KAZN: variants seen among roughly 807,000 people sequenced by gnomAD.
KAZN encodes the protein kazrin, periplakin interacting protein.
In KAZN, 40 loss-of-function variants were observed where a neutral mutation model predicts 87.4. The ratio of observed to expected loss-of-function variants is 0.46; its 90% CI spans 0.36 to 0.60. KAZN has a LOEUF of 0.60. Ranked by LOEUF, KAZN falls within the 20% of genes least tolerant of loss-of-function variation. KAZN has a pLI of 0.00. For missense variants in KAZN, 898 were observed against 1,073.9 expected, an observed-to-expected ratio of 0.84 and a Z score of 2.29; for synonymous variants, 466 against 458.3, an observed-to-expected ratio of 1.02 and a Z score of -0.22.
chr1:14,157,923 A>G (rs1645631021), intron 1 of KAZN, among the ~76,000 whole-genome samples: 1 of 152,076 alleles, frequency 6.6e-6, no homozygotes, highest in Non-Finnish European at 1.5e-5. Context: ...TAAAACCATC[A>G]GATCTCATGA....
intron 2 of KAZN, among the ~76,000 whole-genome samples, chr1:15,031,682 C>T (rs570448866): frequency 6.6e-5 from 10 of 152,124 alleles, no homozygotes; most frequent in Non-Finnish European, 1.3e-4. Context: ...TGACTCACTG[C>T]AGCCTCAACC....
intron 2 of KAZN, among the ~76,000 whole-genome samples, chr1:14,469,219 TA>T (rs147975161): frequency 0.034 from 5,124 of 151,664 alleles, 228 homozygotes; most frequent in East Asian, 0.18. Flanking sequence ...GTCACGCAGG[TA>T]AAAAAAAATC....
At chr1:13,933,716 A>T (rs1235469365) in intron 1 of KAZN, among the ~76,000 whole-genome samples, 1 of 152,252 alleles carries the variant, frequency 6.6e-6, no homozygotes, top group Non-Finnish European at 1.5e-5. Context: ...CAAATCATTC[A>T]TCGAGTACTT....
At chr1:13,947,314 A>G (rs12039151) in intron 1 of KAZN, among the ~76,000 whole-genome samples, 2,490 of 152,248 alleles carry the variant, frequency 0.016, 63 homozygotes, top group African/African-American at 0.055. Flanking sequence ...CAGCTTGCCT[A>G]GGGTCACTCG....
chr1:14,877,933 C>T (rs1160425865), intron 1 of KAZN, among the ~76,000 whole-genome samples: 4 of 152,066 alleles, frequency 2.6e-5, no homozygotes, highest in Non-Finnish European at 4.4e-5. Context: ...ATGGACCCTA[C>T]GGCACATTGG....
At chr1:14,111,141 G>T (rs1321821769) in intron 1 of KAZN, among the ~76,000 whole-genome samples, 1 of 134,342 alleles carries the variant, frequency 7.4e-6, no homozygotes, top group African/African-American at 2.9e-5. Flanking sequence ...TCTATGCTAT[G>T]CCAGACATTA....
intron 1 of KAZN, among the ~76,000 whole-genome samples, chr1:14,911,114 C>A (rs1657197218): frequency 6.6e-6 from 1 of 152,184 alleles, no homozygotes. Flanking sequence ...ATGTTGGCCA[C>A]TTCAAGTCCC....
chr1:14,201,547 G>T (rs963544256), intron 2 of KAZN, among the ~76,000 whole-genome samples: 8 of 152,142 alleles, frequency 5.3e-5, no homozygotes, highest in African/African-American at 1.9e-4. Flanking sequence ...CTCCTGAAAG[G>T]GACCTTTGTG....
At chr1:14,120,327 C>T (rs552999574) in intron 1 of KAZN, among the ~76,000 whole-genome samples, 39 of 152,208 alleles carry the variant, frequency 2.6e-4, no homozygotes, top group African/African-American at 9.2e-4. Context: ...CGTGAGAACT[C>T]ATTCACTATC....
chr1:14,280,054 A>G (rs1347041664), intron 2 of KAZN, among the ~76,000 whole-genome samples: 1 of 152,116 alleles, frequency 6.6e-6, no homozygotes, highest in Non-Finnish European at 1.5e-5. Context: ...GGTCATCGGC[A>G]TATGGACTTA....
rs148459798 is a variant in KAZN, at chr1:15,092,451, ATTTGTTTTGTTTTGT to A, written c.1223-1712_1223-1698del. ...TGTTTGGGTGTGTGTGTGTGTTTTTATTTGTTTTGTTTTGTTTTGTTTTGTTTTGTTCTGTTTTGA... is the reference window on the plus strand; with the variant it reads ...TGTTTGGGTGTGTGTGTGTGTTTTTATTTGTTTTGTTTTGTTCTGTTTTGA... On this transcript the variant is annotated intron_variant, in intron 8 of 14. Transcript: ENST00000376030. Among the ~76,000 whole-genome samples, 4 of 149,954 alleles carry A rather than the reference ATTTGTTTTGTTTTGT, an allele frequency of 2.7e-5. No homozygotes were observed. The South Asian group carries it at 6.4e-4, about 24-fold the overall frequency.
At chr1:14,664,539 C>A (rs929233953) in intron 1 of KAZN, among the ~76,000 whole-genome samples, 1 of 152,164 alleles carries the variant, frequency 6.6e-6, no homozygotes, top group African/African-American at 2.4e-5. Flanking sequence ...CCTGATTATG[C>A]ATCAGAATCT....
chr1:14,910,192 C>A (rs1167243524), intron 1 of KAZN, among the ~76,000 whole-genome samples: 1 of 152,184 alleles, frequency 6.6e-6, no homozygotes. Flanking sequence ...GCTCTTCTCC[C>A]TCCTAACATT....
intron 2 of KAZN, among the ~76,000 whole-genome samples, chr1:14,432,461 C>T (rs1021927514): frequency 4.6e-5 from 7 of 152,212 alleles, no homozygotes; most frequent in African/African-American, 1.4e-4. Context: ...TTCCCTTTGG[C>T]AGACAGATAT....
intron 1 of KAZN, among the ~76,000 whole-genome samples, chr1:14,712,689 G>A (rs558401782): frequency 8.9e-4 from 135 of 152,202 alleles, no homozygotes; most frequent in South Asian, 4.4e-3. Context: ...ATTATTACCC[G>A]AAAAACCAAA....
intron 1 of KAZN, among the ~76,000 whole-genome samples, chr1:13,982,178 C>T (rs549269643): frequency 1.1e-4 from 17 of 152,334 alleles, no homozygotes; most frequent in African/African-American, 3.1e-4. Flanking sequence ...TCTGCTCAGG[C>T]GGATCATGGA....
chr1:15,030,774 C>G (rs1363002598), intron 2 of KAZN, among the ~76,000 whole-genome samples: 2 of 152,218 alleles, frequency 1.3e-5, no homozygotes, highest in African/African-American at 4.8e-5. Context: ...AGGTTCCAGC[C>G]CAGCAGGCCT....
At chr1:14,732,776 G>T (rs1251232689) in intron 1 of KAZN, among the ~76,000 whole-genome samples, 1 of 152,062 alleles carries the variant, frequency 6.6e-6, no homozygotes, top group East Asian at 1.9e-4. Context: ...AGTAAACGAA[G>T]TGGTTAGGGA....
chr1:14,857,325 G>A (rs1266959667), intron 1 of KAZN, among the ~76,000 whole-genome samples: 1 of 152,098 alleles, frequency 6.6e-6, no homozygotes, highest in African/African-American at 2.4e-5. Flanking sequence ...AGGAGTTCGA[G>A]ACCAGCCTAA....
Sources: gnomAD v4.1 joint callset for allele counts (sites outside exome capture counted in the v4.1 genomes callset) on GRCh38, gnomAD v4.1.1 for gene constraint, MANE v1.5 for transcripts, NCBI Gene and HGNC (gene_info 2026-07-23, HGNC 2026-07-21) for gene names.